CNTNAP5: variants seen among roughly 807,000 people sequenced by gnomAD.
CNTNAP5 encodes the protein contactin-associated protein-like 5.
In CNTNAP5, 72 loss-of-function variants were observed where a neutral mutation model predicts 150.2. That is an observed-to-expected ratio of 0.48 (90% confidence interval 0.40 to 0.58). CNTNAP5 has a LOEUF of 0.58. CNTNAP5 is among the 20% of genes least tolerant of loss of function. CNTNAP5 has a pLI of 0.00. For missense variants in CNTNAP5, 1,636 were observed against 1,626.2 expected, an observed-to-expected ratio of 1.01 and a Z score of -0.10; for synonymous variants, 672 against 619.8, an observed-to-expected ratio of 1.08 and a Z score of -1.25.
intron 6 of CNTNAP5, among the ~76,000 whole-genome samples, chr2:124,454,640 G>A (rs1403734447): frequency 6.6e-6 from 1 of 152,036 alleles, no homozygotes. Flanking sequence ...GATATGGTAG[G>A]CCACAAAATG....
chr2:124,148,147 A>G (rs1052703504), intron 1 of CNTNAP5, among the ~76,000 whole-genome samples: 2 of 152,040 alleles, frequency 1.3e-5, no homozygotes, highest in Non-Finnish European at 1.5e-5. Flanking sequence ...TTTTAACTAA[A>G]TTACTTTGGT....
chr2:124,255,597 T>TA (rs139897496), intron 3 of CNTNAP5, among the ~76,000 whole-genome samples: 58,049 of 132,580 alleles, frequency 0.44, 11,984 homozygotes, highest in Admixed American at 0.5. Flanking sequence ...TAATTTTTTT[T>TA]TAAAAAGTAA....
chr2:124,635,296 CTCTA>C (rs1558713844), intron 12 of CNTNAP5, among the ~76,000 whole-genome samples: 2 of 152,104 alleles, frequency 1.3e-5, no homozygotes, highest in Non-Finnish European at 2.9e-5. Context: ...CCCATGAAAA[CTCTA>C]TGATGAGAAC....
chr2:124,212,723 T>TGGAG (rs1686045927), intron 1 of CNTNAP5, among the ~76,000 whole-genome samples: 1 of 152,112 alleles, frequency 6.6e-6, no homozygotes, highest in Non-Finnish European at 1.5e-5. Context: ...AACAGGTCAC[T>TGGAG]TACTCCTGAA....
intron 10 of CNTNAP5, among the ~76,000 whole-genome samples, chr2:124,541,167 T>A (rs1695371888): frequency 6.9e-6 from 1 of 144,838 alleles, no homozygotes; most frequent in Admixed American, 7.2e-5. Context: ...GGATAAGAAG[T>A]ACAAAATTCC....
chr2:124,473,849 A>C (rs920498094), intron 6 of CNTNAP5, among the ~76,000 whole-genome samples: 2 of 152,084 alleles, frequency 1.3e-5, no homozygotes, highest in Admixed American at 6.6e-5. Context: ...TATCTATTAA[A>C]AAGGCAATTT....
chr2:124,760,502 A>T (rs1680934810), intron 14 of CNTNAP5, among the ~76,000 whole-genome samples: 1 of 152,132 alleles, frequency 6.6e-6, no homozygotes, highest in Non-Finnish European at 1.5e-5. Flanking sequence ...GAAATACCAA[A>T]ATTCAGATAT....
intron 19 of CNTNAP5, among the ~76,000 whole-genome samples, chr2:124,852,415 G>A (rs948917549): frequency 2.6e-5 from 4 of 152,186 alleles, no homozygotes; most frequent in African/African-American, 9.7e-5. Context: ...CAAAGAAGGA[G>A]TGAGCTAGCA....
At chr2:124,899,314 G>T (rs1326295472) in intron 21 of CNTNAP5, among the ~76,000 whole-genome samples, 2 of 151,420 alleles carry the variant, frequency 1.3e-5, no homozygotes, top group Non-Finnish European at 2.9e-5. Context: ...CATGGAAACA[G>T]ATATCATATG....
chr2:124,243,272 A>G (rs548203047), intron 3 of CNTNAP5, among the ~76,000 whole-genome samples: 2 of 152,344 alleles, frequency 1.3e-5, no homozygotes, highest in Non-Finnish European at 1.5e-5. Context: ...TTAATAGCAT[A>G]TTCTTTCCTT....
intron 8 of CNTNAP5, among the ~76,000 whole-genome samples, chr2:124,516,695 G>A: frequency 6.6e-6 from 1 of 152,286 alleles, no homozygotes; most frequent in South Asian, 2.1e-4. Flanking sequence ...ACACTTAAGG[G>A]CCCTGAACAG....
chr2:124,208,224 G>C (rs533003937), intron 1 of CNTNAP5, among the ~76,000 whole-genome samples: 51 of 152,236 alleles, frequency 3.4e-4, no homozygotes, highest in African/African-American at 1.2e-3. Context: ...TTGAAGGAAT[G>C]ATTGTCTATT....
chr2:124,850,967 T>G lies in CNTNAP5; in HGVS notation c.3218-14339T>G, dbSNP rs187889748. Among the ~76,000 whole-genome samples the G allele has an allele frequency of 5.2e-4, 79 of 152,310 alleles. No homozygotes were observed. In the Middle Eastern group the frequency reaches 0.024, roughly 46 times the overall value. ...GGTTAAAATCTGACTGGAATAAGTTTCAAAAGTAAATTAAAAAGAGGCATT... is the reference window on the plus strand; with the variant it reads ...GGTTAAAATCTGACTGGAATAAGTTGCAAAAGTAAATTAAAAAGAGGCATT... On this transcript the variant is annotated intron_variant, in intron 19 of 23. Coordinates refer to ENST00000682447, the MANE Select transcript of CNTNAP5 (RefSeq NM_001367498.1).
intron 13 of CNTNAP5, among the ~76,000 whole-genome samples, chr2:124,705,500 C>T (rs1031375617): frequency 1.3e-5 from 2 of 151,836 alleles, no homozygotes; most frequent in African/African-American, 4.8e-5. Flanking sequence ...TGCACTACAG[C>T]CTGAGTGACA....
chr2:124,083,338 G>GT (rs1682602420), intron 1 of CNTNAP5, among the ~76,000 whole-genome samples: 1 of 152,140 alleles, frequency 6.6e-6, no homozygotes, highest in African/African-American at 2.4e-5. Flanking sequence ...GGGCAACAGA[G>GT]TAAGAGTGAG....
At chr2:124,588,187 T>TCTTC (rs1558966078) in intron 11 of CNTNAP5, among the ~76,000 whole-genome samples, 1 of 97,436 alleles carries the variant, frequency 1.0e-5, no homozygotes, top group Non-Finnish European at 2.4e-5. Flanking sequence ...CTTCTTTCTT[T>TCTTC]CTTTCTTTCT....
At chr2:124,341,093 G>A (rs982957706) in intron 3 of CNTNAP5, among the ~76,000 whole-genome samples, 1 of 151,344 alleles carries the variant, frequency 6.6e-6, no homozygotes, top group Non-Finnish European at 1.5e-5. Flanking sequence ...CACACAAAAA[G>A]AATCCATAAA....
At position 124,763,742 on chromosome 2, in the gene CNTNAP5, G is replaced by T. The variant is rs779655794; in HGVS notation, c.2305G>T (p.Asp769Tyr). 1.1e-5 allele frequency: 18 copies of T among 1,612,980 alleles called. No homozygotes were observed. Among genetic ancestry groups the T allele is most frequent in the Non-Finnish European group, 1.4e-5 (17 of 1,179,432 alleles). Residue 769 changes from aspartate (D) to tyrosine (Y), a missense_variant, in exon 15 of 24, where the codon GAC becomes TAC. By Grantham distance (160) the Asp-to-Tyr change is radical. Transcript: ENST00000682447. ...CACTCAGATAGTTATCACTGATACC[G>T]ACAGATCAAACTCAGAAGCCGCTTG... ...PVTQIVITDT[D>Y]RSNSEAAWRI...
At chr2:124,775,236 C>A (rs1274102266) in intron 17 of CNTNAP5, among the ~76,000 whole-genome samples, 1 of 152,134 alleles carries the variant, frequency 6.6e-6, no homozygotes, top group Non-Finnish European at 1.5e-5. Flanking sequence ...TTCCATCTTG[C>A]ACAATTCAGT....
Sources: gnomAD v4.1 joint callset for allele counts (sites outside exome capture counted in the v4.1 genomes callset) on GRCh38, gnomAD v4.1.1 for gene constraint, MANE v1.5 for transcripts, NCBI Gene and HGNC (gene_info 2026-07-23, HGNC 2026-07-21) for gene names.